The following PCNX2 variants were observed in gnomAD, a reference collection of about 807,000 sequenced individuals.
PCNX2 encodes the protein pecanex 2, also known as pecanex-like protein 2.
In PCNX2, 168 loss-of-function variants were observed where a neutral mutation model predicts 223.8. The ratio of observed to expected loss-of-function variants is 0.75; its 90% CI spans 0.66 to 0.85. PCNX2 has a LOEUF of 0.85. Among genes scored for constraint, PCNX2 ranks in the 40% least tolerant of loss-of-function variants. PCNX2 has a pLI of 0.00. For synonymous variants in PCNX2, 1,006 were observed against 1,052.6 expected (o/e 0.96, Z 0.86); for missense variants, 2,507 against 2,675.5 (o/e 0.94, Z 1.39).
At chr1:233,250,512 T>A (rs1365490720) in intron 8 of PCNX2, 1 of 946,910 alleles carries the variant, frequency 1.1e-6, no homozygotes, top group Admixed American at 6.2e-5. Context: ...TTATACTACC[T>A]ACATGTTATC....
the PCNX2 span, among the ~76,000 whole-genome samples, chr1:233,319,276 G>A: frequency 6.6e-6 from 1 of 152,196 alleles, no homozygotes; most frequent in Non-Finnish European, 1.5e-5. Context: ...AACGTCAGAG[G>A]TTTCTTCACC....
intron 1 of PCNX2, chr1:233,292,116 T>C (rs1410661127): frequency 1.2e-6 from 1 of 831,984 alleles, no homozygotes; most frequent in Non-Finnish European, 1.4e-6. Flanking sequence ...CCTCAATAAT[T>C]AATAATAAAA....
chr1:233,187,487 C>T (rs1680173104), intron 15 of PCNX2, among the ~76,000 whole-genome samples: 1 of 152,180 alleles, frequency 6.6e-6, no homozygotes, highest in Admixed American at 6.5e-5. Context: ...CCTCACTCCC[C>T]ATCAGTCACT....
At chr1:233,079,348 C>T (rs546139053) in intron 23 of PCNX2, among the ~76,000 whole-genome samples, 1 of 151,808 alleles carries the variant, frequency 6.6e-6, no homozygotes, top group East Asian at 1.9e-4. Context: ...TGTAGTGAAA[C>T]CCCCGTCTCT....
At chr1:233,261,005 T>C (rs1347750020) in intron 4 of PCNX2, among the ~76,000 whole-genome samples, 1 of 152,200 alleles carries the variant, frequency 6.6e-6, no homozygotes, top group Non-Finnish European at 1.5e-5. Context: ...AAAACTTATA[T>C]GTCTGCTCTT....
At chr1:233,067,411 C>G (rs1407814929) in intron 23 of PCNX2, among the ~76,000 whole-genome samples, 2 of 22,768 alleles carry the variant, frequency 8.8e-5, no homozygotes, top group Non-Finnish European at 2.0e-4. Context: ...AAAAGCAAGA[C>G]TTGGCAAAGA....
chr1:233,180,192 C>T (rs1466280670), intron 15 of PCNX2, among the ~76,000 whole-genome samples: 2 of 152,156 alleles, frequency 1.3e-5, no homozygotes, highest in South Asian at 2.1e-4. Context: ...AAGATAATCA[C>T]CTGAGGAAAG....
rs184697588 is a variant in PCNX2 at position 233,129,882 on chromosome 1, A to G, written c.3837+5131T>C. 5.8e-4 allele frequency among the ~76,000 whole-genome samples: 89 copies of G among 152,284 alleles called. No homozygotes were observed. The East Asian group carries it at 0.017, about 28-fold the overall frequency. ...TAAAAGAATAAAAGCAGGCTGCCAG[A>G]GCCAGCAGTGGCAATCTGCCAGGGT... is the stretch of plus-strand genomic sequence containing the variant. On this transcript the variant is annotated intron_variant, in intron 21 of 33. Transcript: ENST00000258229.
intron 1 of PCNX2, among the ~76,000 whole-genome samples, chr1:233,279,389 TTGTG>T (rs57288356): frequency 0.033 from 4,647 of 142,632 alleles, 113 homozygotes; most frequent in African/African-American, 0.066. Context: ...TAATTTGTGT[TTGTG>T]TGTGTGTGTG....
chr1:233,191,333 C>A (rs1032855833), intron 15 of PCNX2, among the ~76,000 whole-genome samples: 1 of 152,154 alleles, frequency 6.6e-6, no homozygotes, highest in African/African-American at 2.4e-5. Context: ...TCAACTTCTG[C>A]ATCAGTTACA....
At chr1:232,999,639 A>G (rs1044476683) in intron 30 of PCNX2, 5 of 390,886 alleles carry the variant, frequency 1.3e-5, no homozygotes, top group African/African-American at 2.1e-5. Flanking sequence ...TTTTTAGTAG[A>G]GACGGGGTTT....
chr1:233,195,207 TA>T (rs991699538), intron 15 of PCNX2, among the ~76,000 whole-genome samples: 87 of 151,954 alleles, frequency 5.7e-4, no homozygotes, highest in Non-Finnish European at 1.0e-3. Flanking sequence ...ACAATTGCTT[TA>T]AAAAAAATCA....
At chr1:233,202,245 T>C (rs767922230) in intron 13 of PCNX2, 2 of 466,282 alleles carry the variant, frequency 4.3e-6, no homozygotes, top group Middle Eastern at 3.3e-4. Context: ...CTGTTCATAA[T>C]TTTCCCTGTG....
intron 16 of PCNX2, among the ~76,000 whole-genome samples, chr1:233,178,489 T>C (rs1362884543): frequency 1.3e-5 from 2 of 152,228 alleles, no homozygotes; most frequent in African/African-American, 4.8e-5. Context: ...AAAGATATGA[T>C]TAAAGGGAAG....
At chr1:233,144,667 T>G (rs1257397119) in intron 19 of PCNX2, among the ~76,000 whole-genome samples, 2 of 152,212 alleles carry the variant, frequency 1.3e-5, no homozygotes, top group African/African-American at 4.8e-5. Context: ...TACTGGCCAT[T>G]TGGATACACA....
chr1:232,987,853 A>G (rs1322965653), intron 32 of PCNX2, among the ~76,000 whole-genome samples: 1 of 152,160 alleles, frequency 6.6e-6, no homozygotes, highest in African/African-American at 2.4e-5. Context: ...TCGAGTGCCC[A>G]TTTGCAGAGG....
rs775970761 is a variant in PCNX2, at chr1:233,258,470, G to A, written c.1392C>T (p.Thr464=). Residue 464 remains threonine (T), a synonymous_variant, in exon 5 of 34, where the codon ACC becomes ACT. Transcript: ENST00000258229. ...TPERLKTRVS[T]NQCSGYGSGE... is the part of the protein sequence containing the mutation. ...CAGATCCGTAGCCAGAACACTGATT[G>A]GTGGATACCCTCGTCTTCAGTCTCT... 3.1e-6 allele frequency: 5 copies of A among 1,613,818 alleles called. No individual in the cohort carries two copies. The East Asian group carries it at 1.1e-4, about 36-fold the overall frequency.
At chr1:233,087,161 GT>G in intron 23 of PCNX2, 2 of 985,414 alleles carry the variant, frequency 2.0e-6, no homozygotes, top group Non-Finnish European at 2.4e-6. Flanking sequence ...TATTAAAATG[GT>G]TTTGTTACAC....
chr1:233,296,687 C>T (rs917168028), upstream of PCNX2, among the ~76,000 whole-genome samples: 7 of 152,280 alleles, frequency 4.6e-5, no homozygotes, highest in Non-Finnish European at 1.0e-4. Context: ...CTCCATGATT[C>T]CCAACACGCC....
Sources: allele counts gnomAD v4.1 joint callset (sites outside exome capture counted in the v4.1 genomes callset), GRCh38; gene constraint gnomAD v4.1.1; transcripts MANE v1.5; gene names NCBI Gene and HGNC (gene_info 2026-07-23, HGNC 2026-07-21).